The following COPZ2 variants were observed in gnomAD, a reference collection of about 807,000 sequenced individuals.
COPZ2 encodes coatomer subunit zeta-2.
A neutral mutation model predicts 33.2 loss-of-function variants in COPZ2; 30 were observed. The observed-to-expected ratio is 0.90, with a 90% CI of 0.68 to 1.23. The LOEUF (loss-of-function observed/expected upper bound fraction) is 1.23. Ranked by LOEUF, COPZ2 falls within the 50% of genes most tolerant of loss-of-function variation. The pLI, the probability that COPZ2 is intolerant of heterozygous loss-of-function variation, is 0.00. For missense variants in COPZ2, 263 were observed against 262.4 expected (o/e 1.00, Z -0.02); for synonymous variants, 89 against 102.6 (o/e 0.87, Z 0.80).
At position 48,037,607 on chromosome 17, in the gene COPZ2, C is replaced by T; in HGVS notation, c.111+60G>A. 4 of 1,052,362 alleles carry T rather than the reference C, an allele frequency of 3.8e-6. No homozygotes were observed. Among genetic ancestry groups the T allele is most frequent in the Non-Finnish European group, 4.6e-6 (4 of 872,054 alleles). The allele number at this position is 1,052,362 out of a possible 1,614,324, so 65.2% of individuals were successfully genotyped here. Reference sequence around the variant, plus strand: ...TTCTGAGTTGGCTGCTCCCCCTAACCCTGCTCTGTCCCTGCCCAGCTCCCG... The same window carrying T: ...TTCTGAGTTGGCTGCTCCCCCTAACTCTGCTCTGTCCCTGCCCAGCTCCCG... On this transcript the variant is annotated intron_variant, in intron 1 of 8. Transcript: ENST00000621465. The surrounding 1 kb of genome is among the most constrained non-coding windows in gnomAD (Gnocchi z 5.6).
At chr17:48,041,634 A>G (rs192633215), upstream of COPZ2, among the ~76,000 whole-genome samples, 886 of 152,294 alleles carry the variant, frequency 5.8e-3, 9 homozygotes, top group African/African-American at 0.02. Flanking sequence ...TAGGGAACAT[A>G]ATGACACTAT....
chr17:48,039,306 A>G (rs2037037437), upstream of COPZ2, among the ~76,000 whole-genome samples: 1 of 151,976 alleles, frequency 6.6e-6, no homozygotes, highest in Non-Finnish European at 1.5e-5. Flanking sequence ...TCTAGTCTCT[A>G]CTAAAACTAC....
the COPZ2 span, chr17:48,046,477 G>A: frequency 6.6e-6 from 1 of 152,090 alleles, no homozygotes; most frequent in African/African-American, 2.4e-5. Context: ...TTTTTGTAGC[G>A]ACGGGGGTCT....
chr17:48,044,230 C>T, the COPZ2 span, among the ~76,000 whole-genome samples: 6 of 152,038 alleles, frequency 3.9e-5, no homozygotes, highest in Admixed American at 3.3e-4. Flanking sequence ...ACCTTTAATA[C>T]CAGCCACTCA....
the COPZ2 span, chr17:48,046,833 G>A: frequency 3.3e-5 from 5 of 152,196 alleles, no homozygotes; most frequent in South Asian, 2.1e-4. Context: ...CAGTATTTGA[G>A]TGTCTACTAA....
intron 2 of COPZ2, among the ~76,000 whole-genome samples, chr17:48,034,404 C>T (rs761831924): frequency 7.2e-5 from 11 of 152,274 alleles, no homozygotes; most frequent in South Asian, 2.1e-4. Flanking sequence ...CTGTGCTTGG[C>T]CCCCTCCAAA....
At chr17:48,033,348 T>A in intron 3 of COPZ2, 46 bp from the exon 4 acceptor site, 1 of 1,095,760 alleles carries the variant, frequency 9.1e-7, no homozygotes, top group Non-Finnish European at 1.4e-6. Context: ...TGCCTGGTCC[T>A]AGCCTAGCCC....
upstream of COPZ2, among the ~76,000 whole-genome samples, chr17:48,040,694 G>C (rs2037053439): frequency 6.6e-6 from 1 of 151,804 alleles, no homozygotes; most frequent in South Asian, 2.1e-4. Context: ...GCCTCCCAAA[G>C]TGCTGGGATT....
Position 48,037,550 on chromosome 17 carries a change from G to A in COPZ2, c.111+117C>T. The A allele has an allele frequency of 1.1e-5, 10 of 926,864 alleles. No individual in the cohort carries two copies. The highest frequency in any genetic ancestry group is 1.2e-5 in the Non-Finnish European group (9 of 758,688). 57.4% of individuals were successfully genotyped at this position (926,864 alleles called of 1,614,324 possible). A position where few individuals can be genotyped will look rare whatever the true frequency, so the allele number is the denominator to read the frequency against. ...CCGGGTCCTGGGGCCAGTCAGGGGT[G>A]ACACAAAGTTCCCAGCCGCCGGGCG... On this transcript the variant is annotated intron_variant, in intron 1 of 8. Transcript: ENST00000621465. This position sits in a 1 kb window ranked among gnomAD's most constrained non-coding sequence, Gnocchi z 5.6.
At chr17:48,032,659 C>T in intron 5 of COPZ2, 27 bp downstream of exon 5, 1 of 1,561,568 alleles carries the variant, frequency 6.4e-7, no homozygotes, top group East Asian at 2.3e-5. Flanking sequence ...GGGGATGGGG[C>T]CTCGGAGGGC....
upstream of COPZ2, chr17:48,037,991 G>T: frequency 2.2e-6 from 1 of 454,368 alleles, no homozygotes; most frequent in Non-Finnish European, 2.8e-6. The surrounding 1 kb of genome is among the most constrained non-coding windows in gnomAD (Gnocchi z 5.6). Flanking sequence ...GCTCCTTCCC[G>T]AGTCCCTTAC....
At chr17:48,036,761 G>T in intron 2 of COPZ2, 90 bp downstream of exon 2, 1 of 1,263,956 alleles carries the variant, frequency 7.9e-7, no homozygotes, top group Non-Finnish European at 1.1e-6. Flanking sequence ...GAGCTGCCCT[G>T]AGTCACAGAG....
chr17:48,037,242 G>C lies in COPZ2; in HGVS notation c.112-317C>G. On this transcript the variant is annotated intron_variant, in intron 1 of 8. Transcript: ENST00000621465. This position sits in a 1 kb window ranked among gnomAD's most constrained non-coding sequence, Gnocchi z 5.6. ...GTGTATCACAGAACCTGGGCCGGGG[G>C]GGACAGCGGGCCGAGCCTCCTTCTT... The C allele has an allele frequency of 1.7e-6, 1 of 598,156 alleles. No homozygotes were observed. Among genetic ancestry groups the C allele is most frequent in the South Asian group, 1.5e-5 (1 of 66,202 alleles). The allele number at this position is 598,156 out of a possible 1,614,324, so 37.1% of individuals were successfully genotyped here. A position where few individuals can be genotyped will look rare whatever the true frequency, so the allele number is the denominator to read the frequency against.
intron 3 of COPZ2, 43 bp from the exon 4 acceptor site, chr17:48,033,345 T>A (rs1480189041): frequency 8.6e-7 from 1 of 1,166,214 alleles, no homozygotes; most frequent in African/African-American, 1.5e-5. Flanking sequence ...CCTTGCCTGG[T>A]CCTAGCCTAG....
chr17:48,033,951 G>C lies in COPZ2; in HGVS notation c.187-7C>G, dbSNP rs553054701. On this transcript the variant is annotated splice_polypyrimidine_tract_variant and splice_region_variant and intron_variant, in intron 2 of 8. Coordinates refer to ENST00000621465, the MANE Select transcript of COPZ2 (RefSeq NM_016429.4). ...GGAATGTGTCATCATAATACTATGAGAAAGGGAAGGAGAAAGGACCATAGC... is the reference window on the plus strand; with the variant it reads ...GGAATGTGTCATCATAATACTATGACAAAGGGAAGGAGAAAGGACCATAGC... 1.3e-6 allele frequency: 2 copies of C among 1,589,972 alleles called. No homozygotes were observed. The highest frequency in any genetic ancestry group is 2.3e-5 in the South Asian group (2 of 88,648).
intron 2 of COPZ2, among the ~76,000 whole-genome samples, chr17:48,036,152 C>T (rs374889081): frequency 7.2e-5 from 11 of 152,122 alleles, no homozygotes; most frequent in African/African-American, 2.4e-4. Context: ...TAGTTTGGTT[C>T]GCTCAGGCCA....
chr17:48,037,888 G>T, upstream of COPZ2: 2 of 973,454 alleles, frequency 2.1e-6, no homozygotes, highest in Non-Finnish European at 2.4e-6. The surrounding 1 kb of genome is among the most constrained non-coding windows in gnomAD (Gnocchi z 5.6). Flanking sequence ...CTTTCCTCGG[G>T]GCCCCGTCCT....
chr17:48,037,700 C>A lies in COPZ2; in HGVS notation c.78G>T (p.Pro26=). ...CCGAGGGCTCCCCGGCTCGAGCAGG[C>A]GGCGCCGGGCCCCCGGCCTGGGCCG... ...AAAAQAGGPA[P]PARAGEPSGL... Residue 26 remains proline, a synonymous_variant, in exon 1 of 9, where the codon CCG becomes CCT. Coordinates refer to ENST00000621465, the MANE Select transcript of COPZ2 (RefSeq NM_016429.4). This position sits in a 1 kb window ranked among gnomAD's most constrained non-coding sequence, Gnocchi z 5.6. 1 of 1,069,718 alleles carries A rather than the reference C, an allele frequency of 9.3e-7. No individual in the cohort carries two copies. Among genetic ancestry groups the A allele is most frequent in the Non-Finnish European group, 1.1e-6 (1 of 887,658 alleles). 66.3% of individuals were successfully genotyped at this position (1,069,718 alleles called of 1,614,324 possible). A position where few individuals can be genotyped will look rare whatever the true frequency, so the allele number is the denominator to read the frequency against.
chr17:48,029,820 T>G (rs182067732), intron 6 of COPZ2, among the ~76,000 whole-genome samples: 16 of 150,286 alleles, frequency 1.1e-4, no homozygotes, highest in African/African-American at 3.7e-4. Context: ...AGTACAAAAA[T>G]CAGCCAGGCA....
Sources: gnomAD v4.1 joint callset for allele counts (sites outside exome capture counted in the v4.1 genomes callset) on GRCh38, gnomAD v4.1.1 for gene constraint, Gnocchi (gnomAD v3.1) non-coding constraint, MANE v1.5 for transcripts, NCBI Gene and HGNC (gene_info 2026-07-23, HGNC 2026-07-21) for gene names.